ZNF487: variants seen among roughly 807,000 people sequenced by gnomAD.
ZNF487 encodes the protein zinc finger protein 487.
In ZNF487, 4 loss-of-function variants were observed where a neutral mutation model predicts 3.0. The ratio of observed to expected loss-of-function variants is 1.35; its 90% CI spans 0.66 to 3.08. The LOEUF is 3.08. Among genes scored for constraint, ZNF487 ranks in the 30% most tolerant of loss-of-function variants. ZNF487 has a pLI of 0.01. For missense variants in ZNF487, 146 were observed against 98.7 expected (o/e 1.48, Z -2.03); for synonymous variants, 55 against 34.6 (o/e 1.59, Z -2.06).
chr10:43,493,558 A>T, the ZNF487 span, among the ~76,000 whole-genome samples: 13 of 151,330 alleles, frequency 8.6e-5, no homozygotes, highest in South Asian at 2.1e-4. Flanking sequence ...AGGTGTGGTG[A>T]TGCATGCTCG....
At chr10:43,494,199 T>C in the ZNF487 span, among the ~76,000 whole-genome samples, 17 of 152,320 alleles carry the variant, frequency 1.1e-4, no homozygotes, top group African/African-American at 4.1e-4. Context: ...CCTGCTGTTG[T>C]GTGAAAGCAG....
At chr10:43,439,864 G>A (rs181795371) in intron 1 of ZNF487, among the ~76,000 whole-genome samples, 1 of 152,216 alleles carries the variant, frequency 6.6e-6, no homozygotes, top group African/African-American at 2.4e-5. Context: ...CATGTAAACA[G>A]AAAAGTAGAA....
intron 1 of ZNF487, among the ~76,000 whole-genome samples, chr10:43,451,721 A>G (rs958563149): frequency 2.0e-5 from 3 of 151,208 alleles, no homozygotes; most frequent in Non-Finnish European, 4.4e-5. Flanking sequence ...ATGGGCCACC[A>G]CGCCTGGCTA....
At position 43,482,165 on chromosome 10, in the gene ZNF487, T is replaced by A; in HGVS notation, c.*243T>A. ...AGTTACAGAGGAGAGAAAACTTGAC[T>A]GTAGTAGACATTTGGAAGTATTCTG... On this transcript the variant is annotated 3_prime_UTR_variant, in exon 4 of 4. Coordinates refer to ENST00000437590, the MANE Select transcript of ZNF487 (RefSeq NM_001355444.3). 1 of 543,786 alleles carries A rather than the reference T, an allele frequency of 1.8e-6. No individual in the cohort carries two copies. The allele number at this position is 543,786 out of a possible 1,614,324, so 33.7% of individuals were successfully genotyped here.
chr10:43,513,493 G>C, the ZNF487 span, among the ~76,000 whole-genome samples: 1 of 152,222 alleles, frequency 6.6e-6, no homozygotes, highest in Non-Finnish European at 1.5e-5. Flanking sequence ...AGCTGAATGG[G>C]GATGTGGTGG....
chr10:43,515,481 C>A, the ZNF487 span, among the ~76,000 whole-genome samples: 1 of 152,220 alleles, frequency 6.6e-6, no homozygotes, highest in Non-Finnish European at 1.5e-5. Context: ...AAAAAAGATT[C>A]ATCAGAGTTT....
intron 1 of ZNF487, among the ~76,000 whole-genome samples, chr10:43,437,906 G>C (rs2132022089): frequency 6.6e-6 from 1 of 151,656 alleles, no homozygotes; most frequent in South Asian, 2.1e-4. Context: ...GCTCAGGCTG[G>C]TCTTGAACTC....
At chr10:43,519,465 G>A in the ZNF487 span, among the ~76,000 whole-genome samples, 1 of 150,478 alleles carries the variant, frequency 6.6e-6, no homozygotes, top group Admixed American at 6.7e-5. Flanking sequence ...CACCTAAAAT[G>A]TAAGTTTTTT....
chr10:43,451,525 T>C (rs2999288), intron 1 of ZNF487, among the ~76,000 whole-genome samples: 135,561 of 151,782 alleles, frequency 0.89, 60,587 homozygotes, highest in East Asian at 1. Flanking sequence ...GATTATAGAC[T>C]TGAGCCACTG....
At chr10:43,455,134 G>A (rs1314231813) in intron 1 of ZNF487, among the ~76,000 whole-genome samples, 1 of 150,818 alleles carries the variant, frequency 6.6e-6, no homozygotes. Flanking sequence ...TCAGCCTCCC[G>A]AGTAGCTGGA....
At chr10:43,461,045 C>T (rs1589035830) in intron 1 of ZNF487, among the ~76,000 whole-genome samples, 2 of 150,264 alleles carry the variant, frequency 1.3e-5, no homozygotes, top group Admixed American at 6.6e-5. Flanking sequence ...TCGCTCTCAT[C>T]GCCCAGGCTG....
the ZNF487 span, among the ~76,000 whole-genome samples, chr10:43,510,214 A>G: frequency 1.3e-5 from 2 of 152,208 alleles, no homozygotes; most frequent in Non-Finnish European, 2.9e-5. Context: ...AGCTGGTCAC[A>G]TGGTCATAGC....
the ZNF487 span, among the ~76,000 whole-genome samples, chr10:43,495,714 T>C: frequency 1.8e-4 from 28 of 152,350 alleles, no homozygotes; most frequent in African/African-American, 6.7e-4. Flanking sequence ...AATGATATAA[T>C]TAACCCTTTG....
At chr10:43,478,124 A>T (rs936888962) in intron 3 of ZNF487, among the ~76,000 whole-genome samples, 7 of 152,136 alleles carry the variant, frequency 4.6e-5, no homozygotes, top group Non-Finnish European at 8.8e-5. Context: ...GATTTTCAAA[A>T]ACCAAGTTAT....
chr10:43,464,662 CAT>C (rs750518110), intron 1 of ZNF487, among the ~76,000 whole-genome samples: 3 of 152,208 alleles, frequency 2.0e-5, no homozygotes, highest in Admixed American at 1.3e-4. Flanking sequence ...TGACACAGCA[CAT>C]GTTTCAGAGA....
the ZNF487 span, among the ~76,000 whole-genome samples, chr10:43,504,852 A>G: frequency 6.6e-6 from 1 of 150,964 alleles, no homozygotes; most frequent in South Asian, 2.1e-4. Flanking sequence ...GACTACAGGC[A>G]CCTGCCACCA....
intron 1 of ZNF487, among the ~76,000 whole-genome samples, chr10:43,445,851 G>C (rs1167524977): frequency 2.0e-5 from 3 of 152,002 alleles, no homozygotes; most frequent in Admixed American, 6.6e-5. Context: ...TGTGTCCCTG[G>C]GTACTTGAGA....
chr10:43,475,041 CA>C (rs1174252718), intron 1 of ZNF487, among the ~76,000 whole-genome samples: 2 of 152,280 alleles, frequency 1.3e-5, no homozygotes, highest in African/African-American at 4.8e-5. Flanking sequence ...CTCATTCTCC[CA>C]GTGTGCAGGT....
chr10:43,492,250 AT>A, the ZNF487 span, among the ~76,000 whole-genome samples: 26 of 151,856 alleles, frequency 1.7e-4, no homozygotes, highest in Middle Eastern at 3.4e-3. Flanking sequence ...GAAAAGTGGA[AT>A]TCTTTTGGGG....
Sources: gnomAD v4.1 joint callset for allele counts (sites outside exome capture counted in the v4.1 genomes callset) on GRCh38, gnomAD v4.1.1 for gene constraint, MANE v1.5 for transcripts, NCBI Gene and HGNC (gene_info 2026-07-23, HGNC 2026-07-21) for gene names.